The following CBX2 variants were observed in gnomAD, a reference collection of about 807,000 sequenced individuals.
CBX2 encodes the protein chromobox protein homolog 2.
CBX2 carries 11 observed loss-of-function variants against 21.0 expected under a neutral mutation model. That is an observed-to-expected ratio of 0.52 (90% CI 0.33 to 0.87). CBX2 has a LOEUF of 0.87. Among genes scored for constraint, CBX2 ranks in the 40% least tolerant of loss-of-function variants. The pLI is 0.02. For missense variants in CBX2, 746 were observed against 724.3 expected (o/e 1.03, Z -0.34); for synonymous variants, 364 against 304.6 (o/e 1.19, Z -2.03).
rs781898210 is a variant in CBX2, at chr17:79,778,471, C to T, written c.116+44C>T. The T allele has an allele frequency of 7.5e-6, 10 of 1,342,110 alleles. No homozygotes were observed. The highest frequency in any genetic ancestry group is 5.1e-4 in the Middle Eastern group (2 of 3,928). The allele number at this position is 1,342,110 out of a possible 1,614,324, so 83.1% of individuals were successfully genotyped here. ...CGCGCCCCCCTCCCGCCCCCTCGCC[C>T]GGGGGTGGGGACGTGGAGCCCCTCG... is the stretch of plus-strand genomic sequence containing the variant. On this transcript the variant is annotated intron_variant, in intron 2 of 4. Coordinates refer to ENST00000310942, the MANE Select transcript of CBX2 (RefSeq NM_005189.3). This position sits in a 1 kb window ranked among gnomAD's most constrained non-coding sequence, Gnocchi z 4.8.
At chr17:79,782,009 C>T (rs1170163114) in intron 4 of CBX2, 6 of 1,614,122 alleles carry the variant, frequency 3.7e-6, no homozygotes, top group Non-Finnish European at 5.1e-6. Context: ...TTCCTCCCCG[C>T]CCCTCCCAGG....
chr17:79,785,160 G>A lies in CBX2; in HGVS notation c.*118G>A, dbSNP rs1907549860. The stretch of plus-strand genomic sequence containing the variant: ...GTCTGGGTCGGGGGAGGAGGAGTGG[G>A]TGGCCTCCTTGATGGGCAGGCTTGG... On this transcript the variant is annotated 3_prime_UTR_variant, in exon 5 of 5. Coordinates refer to ENST00000310942, the MANE Select transcript of CBX2 (RefSeq NM_005189.3). The A allele has an allele frequency of 6.9e-6, 6 of 867,878 alleles. No individual in the cohort carries two copies. Among genetic ancestry groups the A allele is most frequent in the Non-Finnish European group, 9.2e-6 (5 of 540,772 alleles). The allele number at this position is 867,878 out of a possible 1,614,324, so 53.8% of individuals were successfully genotyped here.
chr17:79,782,564 C>T (rs970938708), intron 4 of CBX2: 40 of 989,590 alleles, frequency 4.0e-5, no homozygotes, highest in African/African-American at 6.8e-5. Flanking sequence ...CGAGCTCAGT[C>T]ACTAACTGAA....
chr17:79,777,838 G>A (rs1227582628), upstream of CBX2, among the ~76,000 whole-genome samples: 1 of 150,802 alleles, frequency 6.6e-6, no homozygotes, highest in African/African-American at 2.4e-5. Context: ...GGCGCGCCCC[G>A]GGAATCACGC....
At position 79,785,355 on chromosome 17, in the gene CBX2, G is replaced by T. The variant is rs1192309918; in HGVS notation, c.*313G>T. The T allele has an allele frequency of 4.4e-6, 2 of 458,480 alleles. No homozygotes were observed. The highest frequency in any genetic ancestry group is 6.8e-5 in the Admixed American group (2 of 29,212). The allele number at this position is 458,480 out of a possible 1,614,324, so 28.4% of individuals were successfully genotyped here. A position where few individuals can be genotyped will look rare whatever the true frequency, so the allele number is the denominator to read the frequency against. ...CAGGTGACTGTCTTGAACAGAGCGG[G>T]CTTCTTCATGGCTGCGTTGTTGCTG... On this transcript the variant is annotated 3_prime_UTR_variant, in exon 5 of 5. Coordinates refer to ENST00000310942, the MANE Select transcript of CBX2 (RefSeq NM_005189.3).
intron 2 of CBX2, 130 bp from the exon 3 acceptor site, chr17:79,779,232 G>A: frequency 2.4e-6 from 2 of 847,104 alleles, no homozygotes; most frequent in Non-Finnish European, 4.0e-6. Flanking sequence ...TTTGAGAAGT[G>A]CCATGGTGCT....
Position 79,784,596 on chromosome 17 carries a change from A to T in CBX2, c.1153A>T (p.Asn385Tyr), listed in dbSNP as rs782377556. 3 of 1,612,476 alleles carry T rather than the reference A, an allele frequency of 1.9e-6. No individual in the cohort carries two copies. The Admixed American group carries it at 5.0e-5, about 27-fold the overall frequency. The change falls in exon 5 of 5, where the codon AAC becomes TAC. Residue 385 changes from asparagine (N) to tyrosine (Y), a missense_variant. Around this residue, in one of 2 missense-constraint regions of CBX2, gnomAD observed 701 missense variants for 650.7 expected, o/e 1.08. Coordinates refer to ENST00000310942, the MANE Select transcript of CBX2 (RefSeq NM_005189.3). This position sits in a 1 kb window ranked among gnomAD's most constrained non-coding sequence, Gnocchi z 5.9. ...CGCCACCAAGGGTGTCCCGGCCACC[A>T]ACCCAGCCCCTGGGAAGGGCACTGG... ...ATATKGVPAT[N>Y]PAPGKGTGSG...
rs782517728 is a variant in CBX2 at position 79,784,351 on chromosome 17, C to G, written c.908C>G (p.Pro303Arg). ...CAGAAAGGGGAGCTGGGAATGAGCC[C>G]TCCAGGAAGCAAAATCCCGAAGGCC... ...RTQKGELGMS[P>R]PGSKIPKAPS... Residue 303 changes from proline (P) to arginine (R), a missense_variant, in exon 5 of 5, where the codon CCT (proline) becomes CGT (arginine). Pro to Arg is a moderately radical substitution (Grantham distance 103). Transcript: ENST00000310942. This position sits in a 1 kb window ranked among gnomAD's most constrained non-coding sequence, Gnocchi z 5.9. 5.6e-6 allele frequency: 9 copies of G among 1,613,074 alleles called. No homozygotes were observed. The East Asian group carries it at 1.8e-4, about 32-fold the overall frequency.
At chr17:79,782,557 G>A in intron 4 of CBX2, 1 of 1,031,256 alleles carries the variant, frequency 9.7e-7, no homozygotes, top group East Asian at 7.4e-5. Context: ...GTGGCCACGA[G>A]CTCAGTCACT....
At chr17:79,778,117 T>G (rs1402842482), upstream of CBX2, 3 of 293,948 alleles carry the variant, frequency 1.0e-5, no homozygotes, top group African/African-American at 4.7e-5. The surrounding 1 kb of genome is among the most constrained non-coding windows in gnomAD (Gnocchi z 4.8). Context: ...GCGGTGCGCG[T>G]GCGCGGGGCG....
At chr17:79,779,477 G>T in intron 3 of CBX2, 50 bp downstream of exon 3, 1 of 1,550,734 alleles carries the variant, frequency 6.4e-7, no homozygotes, top group South Asian at 1.1e-5. Context: ...GACGGTGGCT[G>T]GTTGGAGTCG....
At position 79,787,906 on chromosome 17, in the gene CBX2, C is replaced by T. The variant is rs1490674804; in HGVS notation, c.*2864C>T. 1 of 152,060 alleles carries T rather than the reference C, an allele frequency of 6.6e-6. No homozygotes were observed. Among genetic ancestry groups the T allele is most frequent in the Non-Finnish European group, 1.5e-5 (1 of 68,036 alleles). 9.4% of individuals were successfully genotyped at this position (152,060 alleles called of 1,614,324 possible). A position where few individuals can be genotyped will look rare whatever the true frequency, so the allele number is the denominator to read the frequency against. On this transcript the variant is annotated 3_prime_UTR_variant, in exon 5 of 5. Coordinates refer to ENST00000310942, the MANE Select transcript of CBX2 (RefSeq NM_005189.3). ...GGGGAGACTTCAGGGGAGGATCAAG[C>T]TTTGAACCAAAGCCAATCACTGGCT...
chr17:79,787,146 A>G lies in CBX2; in HGVS notation c.*2104A>G, dbSNP rs1376140733. ...GATCCTGGCACGCTGAGCCTCAGGC[A>G]CCAGCCTCCCTGTGCTCGACAGCAA... On this transcript the variant is annotated 3_prime_UTR_variant, in exon 5 of 5. Coordinates refer to ENST00000310942, the MANE Select transcript of CBX2 (RefSeq NM_005189.3). 6.6e-6 allele frequency: 1 copy of G among 152,368 alleles called. No individual in the cohort carries two copies. Among genetic ancestry groups the G allele is most frequent in the African/African-American group, 2.4e-5 (1 of 41,474 alleles). The allele number at this position is 152,368 out of a possible 1,614,324, so 9.4% of individuals were successfully genotyped here.
At chr17:79,777,314 A>C (rs1255160656), upstream of CBX2, among the ~76,000 whole-genome samples, 2 of 152,192 alleles carry the variant, frequency 1.3e-5, no homozygotes, top group Admixed American at 6.5e-5. Flanking sequence ...CCTAGTCCGA[A>C]GTTAGGAACA....
chr17:79,778,540 G>C lies in CBX2; in HGVS notation c.116+113G>C, dbSNP rs1906912005. 3.4e-5 allele frequency: 20 copies of C among 584,464 alleles called. No homozygotes were observed. The South Asian group carries it at 6.7e-4, about 19-fold the overall frequency. 36.2% of individuals were successfully genotyped at this position (584,464 alleles called of 1,614,324 possible). A position where few individuals can be genotyped will look rare whatever the true frequency, so the allele number is the denominator to read the frequency against. ...CTGGGGGCGCCCGCGGGCAGAGCGG[G>C]AAGTTCGCGGGGTCCCCGCGGGCTC... On this transcript the variant is annotated intron_variant, in intron 2 of 4. Coordinates refer to ENST00000310942, the MANE Select transcript of CBX2 (RefSeq NM_005189.3). This position sits in a 1 kb window ranked among gnomAD's most constrained non-coding sequence, Gnocchi z 4.8.
At chr17:79,777,960 AC>A (rs1348895528), upstream of CBX2, among the ~76,000 whole-genome samples, 6 of 116,390 alleles carry the variant, frequency 5.2e-5, no homozygotes, top group African/African-American at 9.6e-5. Context: ...CCCGCGCGGG[AC>A]CCCCCGCCGG....
intron 2 of CBX2, 54 bp from the exon 3 acceptor site, chr17:79,779,308 A>C: frequency 6.3e-7 from 1 of 1,581,804 alleles, no homozygotes. Context: ...GCTGCCTTGC[A>C]AAGCGGTGAT....
At chr17:79,783,635 C>T in intron 4 of CBX2, 97 bp from the exon 5 acceptor site, 1 of 1,067,688 alleles carries the variant, frequency 9.4e-7, no homozygotes, top group South Asian at 1.4e-5. Flanking sequence ...GTCTTGAACT[C>T]CTGACCTCAG....
Position 79,785,075 on chromosome 17 carries a change from C to T in CBX2, c.*33C>T. Reference sequence around the variant, plus strand: ...GCGCCACCAGCTGCGCGGTCTTACTCCCCTTCCCTGCCTATGGTGTCGCTT... The same window carrying T: ...GCGCCACCAGCTGCGCGGTCTTACTTCCCTTCCCTGCCTATGGTGTCGCTT... On this transcript the variant is annotated 3_prime_UTR_variant, in exon 5 of 5. Transcript: ENST00000310942. 1 of 1,550,960 alleles carries T rather than the reference C, an allele frequency of 6.4e-7. No homozygotes were observed. Among genetic ancestry groups the T allele is most frequent in the Non-Finnish European group, 8.8e-7 (1 of 1,136,374 alleles).
Sources: allele counts gnomAD v4.1 joint callset (sites outside exome capture counted in the v4.1 genomes callset), GRCh38; gene constraint gnomAD v4.1.1; regional missense constraint gnomAD v4.1.1; non-coding constraint Gnocchi (gnomAD v3.1); transcripts MANE v1.5; gene names NCBI Gene and HGNC (gene_info 2026-07-23, HGNC 2026-07-21).